Variants in CMIP observed in about 807,000 individuals in gnomAD.
The protein encoded by CMIP is c-Maf inducing protein.
CMIP carries 13 observed loss-of-function variants against 97.3 expected under a neutral mutation model. The observed-to-expected ratio is 0.13, with a 90% CI of 0.09 to 0.21. CMIP has a LOEUF of 0.21. Ranked by LOEUF, CMIP falls within the 10% of genes least tolerant of loss-of-function variation. CMIP has a pLI of 1.00. For missense variants in CMIP, 847 were observed against 1,024.9 expected (o/e 0.83, Z 2.37); for synonymous variants, 538 against 436.3 (o/e 1.23, Z -2.91).
intron 1 of CMIP, among the ~76,000 whole-genome samples, chr16:81,515,320 T>C (rs11862343): frequency 0.2 from 30,103 of 152,120 alleles, 3,665 homozygotes; most frequent in Admixed American, 0.32. Flanking sequence ...GCCTTCTGAT[T>C]CTCATCCTTG....
chr16:81,484,924 T>G (rs536121058), intron 1 of CMIP, among the ~76,000 whole-genome samples: 1 of 152,208 alleles, frequency 6.6e-6, no homozygotes, highest in East Asian at 1.9e-4. Flanking sequence ...CCTCCCCTCC[T>G]GCCTTCCTCC....
chr16:81,573,388 T>C (rs907433273), intron 1 of CMIP, among the ~76,000 whole-genome samples: 1 of 151,546 alleles, frequency 6.6e-6, no homozygotes, highest in Non-Finnish European at 1.5e-5. Context: ...TAATAGGAGC[T>C]GTCAGAATGT....
At chr16:81,620,059 C>T (rs1028113056) in intron 2 of CMIP, 3 of 152,160 alleles carry the variant, frequency 2.0e-5, no homozygotes, top group Admixed American at 2.0e-4. Flanking sequence ...TTTCTGACCA[C>T]CTGCCATGTG....
rs905965428 is a variant in CMIP, at chr16:81,636,176, T to C, written c.477+15250T>C. 1.5e-4 allele frequency among the ~76,000 whole-genome samples: 19 copies of C among 122,594 alleles called. No individual in the cohort carries two copies. The East Asian group carries it at 4.4e-3, about 28-fold the overall frequency. 80.4% of individuals were successfully genotyped at this position (122,594 alleles called of 152,430 possible). A position where few individuals can be genotyped will look rare whatever the true frequency, so the allele number is the denominator to read the frequency against. On this transcript the variant is annotated intron_variant, in intron 3 of 20. Coordinates refer to ENST00000537098, the MANE Select transcript of CMIP (RefSeq NM_198390.3). ...GCCTTCCATGCTGGAGTTCTTGTCC[T>C]CTGTATGAATTTTTCAAAGAACATG...
intron 1 of CMIP, among the ~76,000 whole-genome samples, chr16:81,553,165 G>A (rs1345208958): frequency 6.6e-6 from 1 of 152,092 alleles, no homozygotes; most frequent in African/African-American, 2.4e-5. Context: ...GTCTTCCCTC[G>A]TTTTCTTCCA....
At chr16:81,648,826 G>A (rs1267816529) in intron 3 of CMIP, among the ~76,000 whole-genome samples, 6 of 131,564 alleles carry the variant, frequency 4.6e-5, no homozygotes, top group Non-Finnish European at 1.6e-5. Context: ...AAAAAGCCCT[G>A]AAGAGTTTAG....
At chr16:81,487,183 G>A (rs1412693190) in intron 1 of CMIP, among the ~76,000 whole-genome samples, 6 of 152,172 alleles carry the variant, frequency 3.9e-5, no homozygotes, top group African/African-American at 1.4e-4. Flanking sequence ...GGGTGTGGGG[G>A]CTACTTTGGG....
At chr16:81,622,716 C>T (rs1418507817) in intron 3 of CMIP, among the ~76,000 whole-genome samples, 1 of 152,184 alleles carries the variant, frequency 6.6e-6, no homozygotes, top group Non-Finnish European at 1.5e-5. Flanking sequence ...CGGTATCCCA[C>T]AAGGCTCTGT....
rs2092473656 is a variant in CMIP, at chr16:81,655,656, A to G, written c.640-2119A>G. On this transcript the variant is annotated intron_variant, in intron 4 of 20. Transcript: ENST00000537098. The surrounding 1 kb of genome is among the most constrained non-coding windows in gnomAD (Gnocchi z 4.9). ...CTGGAAAGGTGCGTGGGTGGCGGCG[A>G]GGGATGGATGTGTCGAGCTGCCCTT... 2.6e-5 allele frequency among the ~76,000 whole-genome samples: 4 copies of G among 152,202 alleles called. No individual in the cohort carries two copies. The highest frequency in any genetic ancestry group is 6.5e-5 in the Admixed American group (1 of 15,304).
At chr16:81,550,547 A>T (rs369100136) in intron 1 of CMIP, among the ~76,000 whole-genome samples, 75 of 152,270 alleles carry the variant, frequency 4.9e-4, no homozygotes, top group South Asian at 4.1e-4. Flanking sequence ...CCGTCAAAGA[A>T]TGTCTATGTG....
intron 3 of CMIP, among the ~76,000 whole-genome samples, chr16:81,640,841 G>T (rs1284323481): frequency 6.6e-6 from 1 of 151,818 alleles, no homozygotes; most frequent in Non-Finnish European, 1.5e-5. Flanking sequence ...CTCTAATCCA[G>T]TATGACCTCA....
chr16:81,699,114 A>G (rs1447237396), intron 14 of CMIP, among the ~76,000 whole-genome samples: 3 of 152,112 alleles, frequency 2.0e-5, no homozygotes, highest in East Asian at 1.9e-4. Context: ...TTAGCCAGGT[A>G]TGGTGGTGCA....
At chr16:81,667,759 GGAGAGAAAGA>G (rs2092620060) in intron 7 of CMIP, among the ~76,000 whole-genome samples, 2 of 101,130 alleles carry the variant, frequency 2.0e-5, no homozygotes, top group African/African-American at 3.5e-5. Flanking sequence ...AGGGAGGGAG[GGAGAGAAAGA>G]GAGAGAGAGA....
intron 1 of CMIP, among the ~76,000 whole-genome samples, chr16:81,452,474 C>G (rs950848844): frequency 6.6e-6 from 1 of 152,090 alleles, no homozygotes; most frequent in Non-Finnish European, 1.5e-5. Context: ...TGGGAGTGGA[C>G]AAACAACTAA....
chr16:81,691,549 C>T (rs753872884), intron 10 of CMIP: 1 of 588,158 alleles, frequency 1.7e-6, no homozygotes, highest in Non-Finnish European at 3.0e-6. Context: ...AGCTCACCCC[C>T]TCGGGTGCCA....
chr16:81,473,254 C>T (rs975100144), intron 1 of CMIP, among the ~76,000 whole-genome samples: 2 of 152,272 alleles, frequency 1.3e-5, no homozygotes, highest in East Asian at 1.9e-4. Context: ...TGTCTTCCTT[C>T]GTGTTTGCCG....
rs537337861 is a variant in CMIP at position 81,684,171 on chromosome 16, C to T, written c.1388+5543C>T. ...ATGTGCTGTGGGGCCTGGGAAGGTC[C>T]CTGATGGGATGACCGCACAGGTGGA... On this transcript the variant is annotated intron_variant, in intron 10 of 20. Transcript: ENST00000537098. Among the ~76,000 whole-genome samples the T allele has an allele frequency of 7.2e-5, 11 of 152,034 alleles. No homozygotes were observed. In the East Asian group the frequency reaches 1.9e-3, roughly 27 times the overall value.
chr16:81,597,747 G>A (rs912666479), intron 1 of CMIP, among the ~76,000 whole-genome samples: 4 of 152,142 alleles, frequency 2.6e-5, no homozygotes, highest in African/African-American at 9.7e-5. Flanking sequence ...TCTGAGTCTT[G>A]TTGGACACTC....
At chr16:81,566,429 G>A (rs532019218) in intron 1 of CMIP, among the ~76,000 whole-genome samples, 90 of 152,194 alleles carry the variant, frequency 5.9e-4, no homozygotes, top group Non-Finnish European at 1.0e-3. Context: ...CCTGCTCATG[G>A]TGCCCACCCA....
Sources: gnomAD v4.1 joint callset for allele counts (sites outside exome capture counted in the v4.1 genomes callset) on GRCh38, gnomAD v4.1.1 for gene constraint, Gnocchi (gnomAD v3.1) non-coding constraint, MANE v1.5 for transcripts, NCBI Gene and HGNC (gene_info 2026-07-23, HGNC 2026-07-21) for gene names.